PTGER3: variants seen among roughly 807,000 people sequenced by gnomAD.
PTGER3 encodes the protein prostaglandin E receptor 3.
A neutral mutation model predicts 34.7 loss-of-function variants in PTGER3; 22 were observed. The ratio of observed to expected loss-of-function variants is 0.63; its 90% confidence interval spans 0.45 to 0.91. The LOEUF is 0.91. Among genes scored for constraint, PTGER3 ranks in the 40% least tolerant of loss-of-function variants. PTGER3 has a pLI of 0.00. For missense variants in PTGER3, 468 were observed against 519.4 expected (o/e 0.90, Z 0.96); for synonymous variants, 241 against 230.1 (o/e 1.05, Z -0.43).
intron 4 of PTGER3, among the ~76,000 whole-genome samples, chr1:70,858,501 G>A (rs553414995): frequency 7.6e-4 from 115 of 152,220 alleles, no homozygotes; most frequent in Admixed American, 2.0e-3. Flanking sequence ...ATAGTGAAAG[G>A]GGAGAGTGTC....
At chr1:70,883,521 A>G (rs891334546) in intron 4 of PTGER3, among the ~76,000 whole-genome samples, 8 of 152,214 alleles carry the variant, frequency 5.3e-5, no homozygotes, top group African/African-American at 1.4e-4. Flanking sequence ...ATTTATAGGT[A>G]TGATGAACCT....
chr1:70,949,829 G>T (rs1225256691), downstream of PTGER3, among the ~76,000 whole-genome samples: 1 of 152,088 alleles, frequency 6.6e-6, no homozygotes, highest in Non-Finnish European at 1.5e-5. Flanking sequence ...CTAGCATAAT[G>T]GTAATTTAAT....
intron 1 of PTGER3, among the ~76,000 whole-genome samples, chr1:71,013,107 C>T (rs1044821695): frequency 6.6e-6 from 1 of 151,886 alleles, no homozygotes; most frequent in African/African-American, 2.4e-5. Flanking sequence ...TTTTCTTTGC[C>T]CCCACCCAAT....
At chr1:70,878,431 T>G (rs1646318512) in intron 4 of PTGER3, among the ~76,000 whole-genome samples, 1 of 152,124 alleles carries the variant, frequency 6.6e-6, no homozygotes, top group Admixed American at 6.5e-5. Context: ...CCTGGAGTCA[T>G]TGATCTTTTG....
At chr1:70,945,648 A>C (rs1366191199) in intron 4 of PTGER3, among the ~76,000 whole-genome samples, 2 of 152,116 alleles carry the variant, frequency 1.3e-5, no homozygotes, top group Non-Finnish European at 2.9e-5. Flanking sequence ...AGAAGAAAAC[A>C]CTCATAAAAC....
intron 1 of PTGER3, among the ~76,000 whole-genome samples, chr1:71,036,210 G>A (rs2100972531): frequency 6.6e-6 from 1 of 152,296 alleles, no homozygotes; most frequent in African/African-American, 2.4e-5. Flanking sequence ...GGTAGATGGT[G>A]CTTAAGGGGC....
At chr1:70,991,101 TTCTC>T (rs779187639) in intron 2 of PTGER3, among the ~76,000 whole-genome samples, 13 of 152,116 alleles carry the variant, frequency 8.5e-5, no homozygotes, top group Non-Finnish European at 2.9e-5. Flanking sequence ...CACTCAATTC[TTCTC>T]TCTCAGACAC....
At chr1:70,949,337 A>T (rs1419256158), downstream of PTGER3, among the ~76,000 whole-genome samples, 1 of 152,152 alleles carries the variant, frequency 6.6e-6, no homozygotes, top group Non-Finnish European at 1.5e-5. Flanking sequence ...TTAATTCCAC[A>T]TCTCTAAGTT....
rs561539874 is a variant in PTGER3 at position 70,918,892 on chromosome 1, G to A, written c.*23+34871C>T. Among the ~76,000 whole-genome samples the A allele has an allele frequency of 9.2e-5, 14 of 152,008 alleles. No individual in the cohort carries two copies. The South Asian group carries it at 2.7e-3, about 29-fold the overall frequency. On this transcript the variant is annotated intron_variant, in intron 4 of 4. Coordinates refer to the PTGER3 transcript ENST00000370931. ...TATATAAATACCTAAGAAAAATGAAGCAGAGAATTAGGACAATTTGCTATT... is the reference window on the plus strand; with the variant it reads ...TATATAAATACCTAAGAAAAATGAAACAGAGAATTAGGACAATTTGCTATT...
intron 4 of PTGER3, among the ~76,000 whole-genome samples, chr1:70,869,553 TA>T (rs1302320892): frequency 1.3e-5 from 2 of 152,116 alleles, no homozygotes; most frequent in Non-Finnish European, 2.9e-5. Context: ...CTTCCACCTA[TA>T]AGCCTGTAAA....
At chr1:70,990,483 T>C (rs972563116) in intron 2 of PTGER3, among the ~76,000 whole-genome samples, 1 of 150,138 alleles carries the variant, frequency 6.7e-6, no homozygotes, top group Non-Finnish European at 1.5e-5. Context: ...TACACATATA[T>C]GCATTTTATA....
chr1:70,980,281 G>A lies in PTGER3; in HGVS notation c.1078-5893C>T, dbSNP rs145319669. On this transcript the variant is annotated intron_variant, in intron 2 of 3. Coordinates refer to ENST00000306666, the MANE Select transcript of PTGER3 (RefSeq NM_198719.2). ...AGTGGGGACTTCGACATAGTTTGGGGGGATTGATAGCCAAAAACCTTAGGC... is the reference window on the plus strand; with the variant it reads ...AGTGGGGACTTCGACATAGTTTGGGAGGATTGATAGCCAAAAACCTTAGGC... Among the ~76,000 whole-genome samples the A allele has an allele frequency of 5.3e-3, 810 of 152,224 alleles. 12 individuals carry two copies. Among genetic ancestry groups the A allele is most frequent in the African/African-American group, 0.019 (772 of 41,518 alleles).
At chr1:70,891,355 C>T (rs1340497089) in intron 4 of PTGER3, among the ~76,000 whole-genome samples, 1 of 152,176 alleles carries the variant, frequency 6.6e-6, no homozygotes, top group East Asian at 1.9e-4. Flanking sequence ...CACACCCACT[C>T]ACAAACTACA....
intron 2 of PTGER3, among the ~76,000 whole-genome samples, chr1:71,001,552 G>T (rs116258854): frequency 6.6e-6 from 1 of 151,590 alleles, no homozygotes; most frequent in Non-Finnish European, 1.5e-5. Context: ...TTTGAGTCTT[G>T]CTATTTTTGT....
At chr1:70,995,534 T>C (rs979851120) in intron 2 of PTGER3, among the ~76,000 whole-genome samples, 2 of 152,210 alleles carry the variant, frequency 1.3e-5, no homozygotes, top group African/African-American at 4.8e-5. Context: ...GAAGTTTCAC[T>C]CTAGCGTCCA....
intron 1 of PTGER3, among the ~76,000 whole-genome samples, chr1:71,020,774 C>G (rs535990086): frequency 2.4e-4 from 36 of 150,580 alleles, no homozygotes; most frequent in Non-Finnish European, 4.9e-4. Context: ...ATAGCAGATT[C>G]TGGCAAACAT....
At chr1:70,981,025 GGAA>G (rs1654205863) in intron 2 of PTGER3, among the ~76,000 whole-genome samples, 1 of 152,082 alleles carries the variant, frequency 6.6e-6, no homozygotes, top group Admixed American at 6.6e-5. Flanking sequence ...AGAGCCATGA[GGAA>G]GAAGATGATT....
intron 2 of PTGER3, chr1:71,011,769 GA>G (rs1252980502): frequency 2.0e-6 from 2 of 987,840 alleles, no homozygotes; most frequent in Non-Finnish European, 2.4e-6. Flanking sequence ...ATGTAAGGAG[GA>G]AAAAAGTGAC....
At chr1:70,854,366 C>A (rs1434467845) in intron 4 of PTGER3, among the ~76,000 whole-genome samples, 1 of 152,114 alleles carries the variant, frequency 6.6e-6, no homozygotes, top group African/African-American at 2.4e-5. Context: ...ACAAGATATT[C>A]AATGTCACTA....
Sources: gnomAD v4.1 joint callset for allele counts (sites outside exome capture counted in the v4.1 genomes callset) on GRCh38, gnomAD v4.1.1 for gene constraint, MANE v1.5 for transcripts, NCBI Gene and HGNC (gene_info 2026-07-23, HGNC 2026-07-21) for gene names.